The following TMLHE variants were observed in gnomAD, a reference collection of about 807,000 sequenced individuals.
TMLHE encodes the protein trimethyllysine hydroxylase, epsilon.
Under a neutral mutation model 25.7 loss-of-function variants are expected in TMLHE, and 18 were observed. The ratio of observed to expected loss-of-function variants is 0.70; its 90% CI spans 0.48 to 1.04. The LOEUF is 1.04. Among genes scored for constraint, TMLHE ranks in the 50% least tolerant of loss-of-function variants. The pLI is 0.00. For missense variants in TMLHE, 236 were observed against 259.0 expected (o/e 0.91, Z 0.61); for synonymous variants, 105 against 97.0 (o/e 1.08, Z -0.49).
chrX:155,522,983 G>C lies in TMLHE; in HGVS notation c.358+1473C>G, dbSNP rs1024417390. ...ACATTCCCATAAGCAATGTATGAGT[G>C]ATAGAATTTCTCTGCATCTTCTCTA... On this transcript the variant is annotated intron_variant, in intron 3 of 7. Transcript: ENST00000334398. Among the ~76,000 whole-genome samples, 26 of 110,679 alleles carry C rather than the reference G, an allele frequency of 2.3e-4. No individual in the cohort carries two copies. The East Asian group carries it at 7.3e-3, about 31-fold the overall frequency.
In TMLHE at chrX:155,506,926, G is replaced by C; in HGVS notation, c.967C>G (p.Pro323Ala). 1 of 1,208,342 alleles carries C rather than the reference G, an allele frequency of 8.3e-7. No individual in the cohort carries two copies. The highest frequency in any genetic ancestry group is 1.1e-6 in the Non-Finnish European group (1 of 893,044). Residue 323 changes from proline to alanine, a missense_variant, in exon 6 of 8, where the codon CCA becomes GCA. Physicochemically the swap from Pro to Ala is conservative, Grantham distance 27. This residue lies in a region of TMLHE where 19 missense variants were observed against 44.4 expected (regional missense o/e 0.43). Transcript: ENST00000334398. ...ATCAAATACAGCTCTTTATTCCATGGGTAGATATTTAAGACTGGCCCAATC... is the reference window on the plus strand; with the variant it reads ...ATCAAATACAGCTCTTTATTCCATGCGTAGATATTTAAGACTGGCCCAATC... ...IGIGPVLNIYPWNKELYLIRY... is the reference protein window; with the variant it reads ...IGIGPVLNIYAWNKELYLIRY...
intron 1 of TMLHE, among the ~76,000 whole-genome samples, chrX:155,556,830 G>A (rs1290792971): frequency 9.0e-6 from 1 of 111,257 alleles, no homozygotes; most frequent in African/African-American, 3.3e-5. Flanking sequence ...TCGACCATAA[G>A]AGACAGGTAC....
intron 3 of TMLHE, among the ~76,000 whole-genome samples, chrX:155,521,943 C>G (rs1015250182): frequency 9.9e-6 from 1 of 100,755 alleles, no homozygotes; most frequent in African/African-American, 3.6e-5. Flanking sequence ...GTGAGATGAA[C>G]CCGGTACCTC....
chrX:155,514,342 A>G, intron 3 of TMLHE, 77 bp from the exon 4 acceptor site: 2 of 1,037,052 alleles, frequency 1.9e-6, no homozygotes. Context: ...CAACTAGTTA[A>G]GAATCTTTTT....
chrX:155,607,248 G>A (rs2067792325), intron 1 of TMLHE, among the ~76,000 whole-genome samples: 1 of 112,030 alleles, frequency 8.9e-6, no homozygotes, highest in South Asian at 3.7e-4. Context: ...CTTTATCCCT[G>A]GGATGCAAGG....
chrX:155,547,228 T>C (rs938930293), intron 1 of TMLHE, among the ~76,000 whole-genome samples: 18 of 91,892 alleles, frequency 2.0e-4, no homozygotes, highest in Non-Finnish European at 6.8e-5. Context: ...CACTGCAAGC[T>C]CCGCCTCCCG....
chrX:155,507,985 T>C (rs985172321), intron 5 of TMLHE, among the ~76,000 whole-genome samples: 4 of 110,819 alleles, frequency 3.6e-5, no homozygotes, highest in Non-Finnish European at 7.6e-5. Flanking sequence ...AACTGAAGGA[T>C]AGGCAAGAAT....
intron 1 of TMLHE, among the ~76,000 whole-genome samples, chrX:155,559,101 G>C (rs1480055191): frequency 2.7e-5 from 3 of 111,498 alleles, no homozygotes; most frequent in South Asian, 3.7e-4. Context: ...CAATCTTAAA[G>C]CACCTTTCCT....
chrX:155,601,442 T>G (rs782381414), intron 1 of TMLHE, among the ~76,000 whole-genome samples: 12 of 111,783 alleles, frequency 1.1e-4, no homozygotes, highest in Non-Finnish European at 1.9e-4. Context: ...TGGAGAAAAC[T>G]TCCCTGTGTT....
At chrX:155,513,846 CA>C in intron 4 of TMLHE, 139 bp downstream of exon 4, 1 of 569,198 alleles carries the variant, frequency 1.8e-6, no homozygotes, top group Non-Finnish European at 2.7e-6. Context: ...TAAAGTACTG[CA>C]AGTGAGAGTC....
At chrX:155,560,577 A>G in intron 1 of TMLHE, among the ~76,000 whole-genome samples, 1 of 35,987 alleles carries the variant, frequency 2.8e-5, no homozygotes, top group African/African-American at 4.7e-5. Context: ...TGATCAAAGG[A>G]GGAGTTAGTC....
At chrX:155,602,470 A>C (rs973249404) in intron 1 of TMLHE, among the ~76,000 whole-genome samples, 1 of 111,717 alleles carries the variant, frequency 9.0e-6, no homozygotes, top group Non-Finnish European at 1.9e-5. Flanking sequence ...GAAGGATTGA[A>C]TATTTCCCCT....
At chrX:155,600,988 A>C (rs2067752906) in intron 1 of TMLHE, among the ~76,000 whole-genome samples, 1 of 111,693 alleles carries the variant, frequency 9.0e-6, no homozygotes, top group African/African-American at 3.3e-5. Context: ...ACAACCAAAA[A>C]AACTGAGTAA....
rs141971703 is a variant in TMLHE, at chrX:155,545,100, A to G, written c.177T>C (p.His59=). 3.2e-5 allele frequency: 38 copies of G among 1,206,250 alleles called. No individual in the cohort carries two copies. The highest frequency in any genetic ancestry group is 3.9e-5 in the Non-Finnish European group (35 of 893,474). Residue 59 remains histidine, a synonymous_variant, in exon 2 of 8, where the codon CAT becomes CAC. Transcript: ENST00000334398. The part of the protein sequence containing the change: ...LTCAWQQHED[H]FELKYANTVM... ...CTGTCTTCACACATCTCTTACCAAA[A>G]TGATCTTCATGTTGCTGCCAAGCAC...
chrX:155,553,942 A>G (rs2067431455), intron 1 of TMLHE, among the ~76,000 whole-genome samples: 1 of 109,884 alleles, frequency 9.1e-6, no homozygotes, highest in African/African-American at 3.3e-5. Flanking sequence ...TGTGTATTTT[A>G]ATTGCATACA....
At chrX:155,612,021 A>G (rs1393887087) in intron 1 of TMLHE, 1 of 112,006 alleles carries the variant, frequency 8.9e-6, no homozygotes, top group Non-Finnish European at 1.9e-5. Context: ...CTCATTTATC[A>G]TGAGACTTTT....
At chrX:155,594,145 A>T (rs1038932887) in intron 1 of TMLHE, among the ~76,000 whole-genome samples, 2 of 111,858 alleles carry the variant, frequency 1.8e-5, no homozygotes, top group African/African-American at 6.5e-5. Context: ...CAATAATCAA[A>T]CTGTCAAAAT....
chrX:155,593,098 T>C (rs1337894895), intron 1 of TMLHE, among the ~76,000 whole-genome samples: 1 of 111,262 alleles, frequency 9.0e-6, no homozygotes, highest in Non-Finnish European at 1.9e-5. Flanking sequence ...GCATAGAAGA[T>C]ACTCCCAACC....
At position 155,561,449 on chromosome X, in the gene TMLHE, G is replaced by C. The variant is rs1276402278; in HGVS notation, c.-1-16172C>G. Among the ~76,000 whole-genome samples, 2 of 60,979 alleles carry C rather than the reference G, an allele frequency of 3.3e-5. 1 individual carries two copies. Among genetic ancestry groups the C allele is most frequent in the Non-Finnish European group, 9.2e-5 (2 of 21,806 alleles). The allele number at this position is 60,979 out of a possible 115,157, so 53.0% of individuals were successfully genotyped here. ...AACATTGGGGATTACAATTAGACAT[G>C]AGACTTGGGTGGGGACATACAGCCA... On this transcript the variant is annotated intron_variant, in intron 1 of 7. Transcript: ENST00000334398.
Sources: allele counts gnomAD v4.1 joint callset (sites outside exome capture counted in the v4.1 genomes callset), GRCh38; gene constraint gnomAD v4.1.1; regional missense constraint gnomAD v4.1.1; transcripts MANE v1.5; gene names NCBI Gene and HGNC (gene_info 2026-07-23, HGNC 2026-07-21).